Variants in ZDHHC14 observed in about 807,000 individuals in gnomAD.
The protein encoded by ZDHHC14 is zDHHC palmitoyltransferase 14, also known as palmitoyltransferase ZDHHC14.
A neutral mutation model predicts 47.7 loss-of-function variants in ZDHHC14; 16 were observed. The ratio of observed to expected loss-of-function variants is 0.34; its 90% CI spans 0.23 to 0.51. ZDHHC14 has a LOEUF of 0.51. ZDHHC14 is among the 20% of genes least tolerant of loss of function. The probability of loss-of-function intolerance (pLI) is 0.97; values close to 1 mark genes in which losing one functional copy is unlikely to be tolerated. For missense variants in ZDHHC14, 515 were observed against 662.5 expected (o/e 0.78, Z 2.44); for synonymous variants, 293 against 278.9 (o/e 1.05, Z -0.50).
At chr6:157,555,761 G>A (rs2047968) in intron 2 of ZDHHC14, among the ~76,000 whole-genome samples, 29,845 of 152,082 alleles carry the variant, frequency 0.2, 3,393 homozygotes, top group East Asian at 0.37. Context: ...CCCCACCCCT[G>A]TGTATTGCAG....
intron 1 of ZDHHC14, among the ~76,000 whole-genome samples, chr6:157,497,551 T>C (rs1339215723): frequency 6.6e-6 from 1 of 152,180 alleles, no homozygotes; most frequent in East Asian, 1.9e-4. Flanking sequence ...GTTATGAGGA[T>C]TAGGCTCTGA....
Position 157,647,278 on chromosome 6 carries a change from A to G in ZDHHC14, c.875A>G (p.Asn292Ser). 1 of 1,614,040 alleles carries G rather than the reference A, an allele frequency of 6.2e-7. No homozygotes were observed. The highest frequency in any genetic ancestry group is 8.5e-7 in the Non-Finnish European group (1 of 1,179,912). The change falls in exon 7 of 9, where the codon AAT (asparagine) becomes AGT (serine). Residue 292 changes from asparagine to serine, a missense_variant. Physicochemically the swap from Asn to Ser is conservative, Grantham distance 46. Around this residue, in one of 4 missense-constraint regions of ZDHHC14, gnomAD observed 229 missense variants for 351.5 expected, o/e 0.65. Coordinates refer to ENST00000359775, the MANE Select transcript of ZDHHC14 (RefSeq NM_024630.3). ...TTTCAGATTAAAGGATCCTGGTCAA[A>G]TAAAAGAGGTAAAGAAAATTACAAT... ...TNEDIKGSWS[N>S]KRGKENYNPY... is the part of the protein sequence containing the mutation.
chr6:157,454,529 A>G lies in ZDHHC14; in HGVS notation c.245+72263A>G, dbSNP rs1194724043. 2.9e-5 allele frequency among the ~76,000 whole-genome samples: 4 copies of G among 135,736 alleles called. No individual in the cohort carries two copies. The South Asian group carries it at 9.0e-4, about 31-fold the overall frequency. The allele number at this position is 135,736 out of a possible 152,430, so 89.0% of individuals were successfully genotyped here. A position where few individuals can be genotyped will look rare whatever the true frequency, so the allele number is the denominator to read the frequency against. ...TTTTTTTTTTTTTGCCACGAGTCTC[A>G]CCCTGTTTCCCAGGCTAGAGTTCAG... On this transcript the variant is annotated intron_variant, in intron 1 of 8. Transcript: ENST00000359775.
At chr6:157,410,809 G>A (rs1355534305) in intron 1 of ZDHHC14, among the ~76,000 whole-genome samples, 2 of 152,138 alleles carry the variant, frequency 1.3e-5, no homozygotes, top group Admixed American at 6.5e-5. Flanking sequence ...CGATTCTCCT[G>A]CCTCAGCCTC....
chr6:157,494,830 A>G (rs1339246490), intron 1 of ZDHHC14, among the ~76,000 whole-genome samples: 2 of 152,240 alleles, frequency 1.3e-5, no homozygotes, highest in Admixed American at 6.5e-5. Flanking sequence ...TCCGTTTCAT[A>G]TCCTGAATTC....
At chr6:157,472,300 C>T (rs1779374975) in intron 1 of ZDHHC14, among the ~76,000 whole-genome samples, 1 of 152,106 alleles carries the variant, frequency 6.6e-6, no homozygotes, top group Admixed American at 6.5e-5. Flanking sequence ...GAAACCAACC[C>T]CCTTCTACCT....
chr6:157,468,015 G>T (rs1367768271), intron 1 of ZDHHC14, among the ~76,000 whole-genome samples: 1 of 152,096 alleles, frequency 6.6e-6, no homozygotes, highest in Non-Finnish European at 1.5e-5. Flanking sequence ...AGGCATAAGA[G>T]AAAAAGCATC....
chr6:157,597,890 G>A (rs1784195166), intron 3 of ZDHHC14, among the ~76,000 whole-genome samples: 1 of 152,242 alleles, frequency 6.6e-6, no homozygotes, highest in Admixed American at 6.5e-5. Context: ...CCCTCTGCAG[G>A]GACTCAGTGT....
rs549341597 is a variant in ZDHHC14 at position 157,572,171 on chromosome 6, G to A, written c.407-20817G>A. Among the ~76,000 whole-genome samples the A allele has an allele frequency of 5.3e-5, 8 of 152,206 alleles. No individual in the cohort carries two copies. In the East Asian group the frequency reaches 5.8e-4, roughly 11 times the overall value. Reference sequence around the variant, plus strand: ...CACTCTTGATATCTGGGGCTGGAACGTTCTTTGTTGGGAGGGGCTGTCCTG... The same window carrying A: ...CACTCTTGATATCTGGGGCTGGAACATTCTTTGTTGGGAGGGGCTGTCCTG... On this transcript the variant is annotated intron_variant, in intron 2 of 8. Coordinates refer to ENST00000359775, the MANE Select transcript of ZDHHC14 (RefSeq NM_024630.3).
intron 1 of ZDHHC14, among the ~76,000 whole-genome samples, chr6:157,495,638 G>A (rs1780044022): frequency 6.6e-6 from 1 of 151,466 alleles, no homozygotes; most frequent in African/African-American, 2.4e-5. Flanking sequence ...CATAAAGGCA[G>A]AGCAGGAGGA....
intron 8 of ZDHHC14, among the ~76,000 whole-genome samples, chr6:157,670,616 G>A (rs760261660): frequency 3.9e-5 from 6 of 152,056 alleles, no homozygotes; most frequent in Non-Finnish European, 7.4e-5. Context: ...AGTTTCTAAT[G>A]GCCTTTCCTT....
At position 157,586,335 on chromosome 6, in the gene ZDHHC14, G is replaced by A. The variant is rs1311338856; in HGVS notation, c.407-6653G>A. Among the ~76,000 whole-genome samples the A allele has an allele frequency of 6.6e-6, 1 of 152,188 alleles. No homozygotes were observed. Among genetic ancestry groups the A allele is most frequent in the Non-Finnish European group, 1.5e-5 (1 of 68,024 alleles). On this transcript the variant is annotated intron_variant, in intron 2 of 8. Coordinates refer to ENST00000359775, the MANE Select transcript of ZDHHC14 (RefSeq NM_024630.3). This position sits in a 1 kb window ranked among gnomAD's most constrained non-coding sequence, Gnocchi z 4.6. ...AGAGAAGCTGGAACTGGCCCTCAAAGGATAGGATTATCTGCGCAGACAGCA... is the reference window on the plus strand; with the variant it reads ...AGAGAAGCTGGAACTGGCCCTCAAAAGATAGGATTATCTGCGCAGACAGCA...
chr6:157,509,551 G>A (rs1307197703), intron 1 of ZDHHC14, among the ~76,000 whole-genome samples: 1 of 152,120 alleles, frequency 6.6e-6, no homozygotes, highest in Non-Finnish European at 1.5e-5. Context: ...ATTCACACCT[G>A]GCAGTGTGTC....
intron 8 of ZDHHC14, 150 bp from the exon 9 acceptor site, chr6:157,672,574 G>T (rs560814894): frequency 1.2e-6 from 1 of 837,252 alleles, no homozygotes; most frequent in Non-Finnish European, 1.8e-6. Context: ...CACTGTAGGC[G>T]CTCCCTGCCT....
At chr6:157,645,908 G>C (rs2114981175) in intron 6 of ZDHHC14, 69 bp downstream of exon 6, 1 of 1,388,820 alleles carries the variant, frequency 7.2e-7, no homozygotes, top group East Asian at 2.3e-5. Flanking sequence ...AAAAAGGAAA[G>C]AAAAGGTTGA....
chr6:157,440,005 C>T (rs1778530201), intron 1 of ZDHHC14, among the ~76,000 whole-genome samples: 1 of 151,960 alleles, frequency 6.6e-6, no homozygotes, highest in African/African-American at 2.4e-5. Context: ...CCTGGGGCCT[C>T]TTGGTGGGGT....
chr6:157,426,039 A>G (rs1778210310), intron 1 of ZDHHC14, among the ~76,000 whole-genome samples: 1 of 152,066 alleles, frequency 6.6e-6, no homozygotes, highest in African/African-American at 2.4e-5. Flanking sequence ...CATTCTACCT[A>G]GAGAGGCAGA....
intron 1 of ZDHHC14, among the ~76,000 whole-genome samples, chr6:157,500,163 T>C (rs1017509568): frequency 6.6e-6 from 1 of 152,044 alleles, no homozygotes; most frequent in Middle Eastern, 3.2e-3. Flanking sequence ...AAGAAGGGAT[T>C]GAGACTTGAA....
chr6:157,476,809 A>G (rs1351144095), intron 1 of ZDHHC14, among the ~76,000 whole-genome samples: 1 of 152,138 alleles, frequency 6.6e-6, no homozygotes, highest in Non-Finnish European at 1.5e-5. Flanking sequence ...AAAAATCATC[A>G]TCGCAATAGA....
Sources: allele counts gnomAD v4.1 joint callset (sites outside exome capture counted in the v4.1 genomes callset), GRCh38; gene constraint gnomAD v4.1.1; regional missense constraint gnomAD v4.1.1; non-coding constraint Gnocchi (gnomAD v3.1); transcripts MANE v1.5; gene names NCBI Gene and HGNC (gene_info 2026-07-23, HGNC 2026-07-21).